OR6B3: variants seen among roughly 807,000 people sequenced by gnomAD.
OR6B3 encodes olfactory receptor 6B3.
For missense variants in OR6B3, 315 were observed against 427.4 expected (o/e 0.74, Z 2.32); for synonymous variants, 148 against 187.8 (o/e 0.79, Z 1.73).
chr2:240,050,570 C>T (rs1698243594), upstream of OR6B3, among the ~76,000 whole-genome samples: 1 of 152,022 alleles, frequency 6.6e-6, no homozygotes, highest in Non-Finnish European at 1.5e-5. Context: ...AAAACTTAGC[C>T]TGGCGTCATG....
chr2:240,046,912 G>A (rs1443163740), intron 1 of OR6B3, 40 bp downstream of exon 2: 1 of 152,186 alleles, frequency 6.6e-6, no homozygotes, highest in East Asian at 1.9e-4. Context: ...AAGTTGAGAT[G>A]GAAAGTCTGA....
chr2:240,046,239 T>A (rs1371975620), intron 1 of OR6B3, 142 bp from the exon 3 acceptor site: 17 of 607,916 alleles, frequency 2.8e-5, no homozygotes, highest in Admixed American at 1.5e-4. Context: ...CAAAAGCAGC[T>A]CCCCACCCAG....
At chr2:240,047,722 C>A (rs901629959), upstream of OR6B3, among the ~76,000 whole-genome samples, 3 of 152,166 alleles carry the variant, frequency 2.0e-5, no homozygotes, top group African/African-American at 7.2e-5. Context: ...TTCAATAAGT[C>A]AACATTTTCC....
chr2:240,051,152 G>A (rs569419158), upstream of OR6B3, among the ~76,000 whole-genome samples: 3 of 152,168 alleles, frequency 2.0e-5, no homozygotes, highest in Non-Finnish European at 2.9e-5. Context: ...AGCATGCAAC[G>A]CAATTTCAGA....
At chr2:240,046,147 A>G (rs1698185856) in intron 1 of OR6B3, 50 bp from the exon 3 acceptor site, 2 of 1,328,890 alleles carry the variant, frequency 1.5e-6, no homozygotes, top group Admixed American at 4.3e-5. Context: ...AAGCTGGGGC[A>G]GAGGGAGAGT....
downstream of OR6B3, among the ~76,000 whole-genome samples, chr2:240,044,634 A>G (rs1394555018): frequency 3.9e-5 from 6 of 152,258 alleles, no homozygotes; most frequent in African/African-American, 1.4e-4. Flanking sequence ...GGGTTTATTT[A>G]GGAAAAAGGC....
At chr2:240,050,038 T>A (rs1698235912), upstream of OR6B3, among the ~76,000 whole-genome samples, 1 of 147,724 alleles carries the variant, frequency 6.8e-6, no homozygotes. Context: ...ATAAAGGAAA[T>A]CATAAGAAAG....
chr2:240,047,415 A>G (rs554553234), upstream of OR6B3, among the ~76,000 whole-genome samples: 2 of 152,298 alleles, frequency 1.3e-5, no homozygotes, highest in Non-Finnish European at 2.9e-5. Flanking sequence ...CTGTAGCCAC[A>G]GTTTTAAAGG....
At chr2:240,045,608 G>T (rs770493027) in exon 2 of OR6B3, 7 of 1,469,662 alleles carry the variant, frequency 4.8e-6, no homozygotes, top group Non-Finnish European at 3.8e-6. Context: ...TGATCATGGA[G>T]ATGGTGAAGC....
upstream of OR6B3, among the ~76,000 whole-genome samples, chr2:240,047,899 C>T (rs1047204798): frequency 1.3e-5 from 2 of 151,860 alleles, no homozygotes; most frequent in Admixed American, 6.6e-5. Context: ...GGATCAGAAA[C>T]GACAGAATAA....
upstream of OR6B3, among the ~76,000 whole-genome samples, chr2:240,047,459 T>C (rs554732890): frequency 2.1e-4 from 32 of 152,306 alleles, no homozygotes; most frequent in African/African-American, 7.5e-4. Context: ...CCTCCGCTCA[T>C]ACAAGTAAAA....
At chr2:240,051,351 C>T (rs912235562), upstream of OR6B3, among the ~76,000 whole-genome samples, 1 of 152,054 alleles carries the variant, frequency 6.6e-6, no homozygotes, top group African/African-American at 2.4e-5. Flanking sequence ...CTGTTAAAGG[C>T]AAGAAAAAGG....
chr2:240,044,804 T>C (rs1230148821), downstream of OR6B3, among the ~76,000 whole-genome samples: 1 of 152,230 alleles, frequency 6.6e-6, no homozygotes, highest in Non-Finnish European at 1.5e-5. Flanking sequence ...CCGCAATTTA[T>C]TGGGGACTTT....
chr2:240,050,068 CAAT>C (rs1448716782), upstream of OR6B3, among the ~76,000 whole-genome samples: 6 of 135,454 alleles, frequency 4.4e-5, no homozygotes, highest in African/African-American at 6.1e-5. Context: ...CTAACTACAA[CAAT>C]GACTGGAGTA....
upstream of OR6B3, among the ~76,000 whole-genome samples, chr2:240,047,743 T>C (rs1473200677): frequency 6.6e-6 from 1 of 152,246 alleles, no homozygotes; most frequent in African/African-American, 2.4e-5. Flanking sequence ...CAGGCCATAA[T>C]TCCAAATCTA....
upstream of OR6B3, among the ~76,000 whole-genome samples, chr2:240,047,230 T>G (rs555964058): frequency 6.6e-6 from 1 of 152,328 alleles, no homozygotes; most frequent in South Asian, 2.1e-4. Context: ...ATAGGTTGGT[T>G]GAACGAACCT....
chr2:240,049,049 G>A (rs72993522), upstream of OR6B3, among the ~76,000 whole-genome samples: 11,074 of 152,266 alleles, frequency 0.073, 579 homozygotes, highest in Non-Finnish European at 0.11. Flanking sequence ...AGGGAGGAGG[G>A]CTGAGGGCTA....
At chr2:240,045,525 G>C in exon 2 of OR6B3, 1 of 1,604,224 alleles carries the variant, frequency 6.2e-7, no homozygotes, top group East Asian at 2.2e-5. Context: ...CTTGAGGATG[G>C]GGGAAATGTC....
At chr2:240,045,140 G>C in exon 2 of OR6B3, 1 of 1,613,988 alleles carries the variant, frequency 6.2e-7, no homozygotes, top group Admixed American at 1.7e-5. Flanking sequence ...TCCCCTCTAC[G>C]GCGCAGCTCG....
Sources: allele counts gnomAD v4.1 joint callset (sites outside exome capture counted in the v4.1 genomes callset), GRCh38; gene constraint gnomAD v4.1.1; transcripts MANE v1.5; gene names NCBI Gene and HGNC (gene_info 2026-07-23, HGNC 2026-07-21).